Variants in ANGPTL2 observed in about 807,000 individuals in gnomAD.
ANGPTL2 encodes angiopoietin like 2.
Under a neutral mutation model 52.8 loss-of-function variants are expected in ANGPTL2, and 25 were observed. The observed-to-expected ratio is 0.47, with a 90% confidence interval of 0.35 to 0.66. ANGPTL2 has a LOEUF of 0.66. ANGPTL2 is among the 30% of genes least tolerant of loss of function. The pLI, the probability that ANGPTL2 is intolerant of heterozygous loss-of-function variation, is 0.01. For missense variants in ANGPTL2, 546 were observed against 656.9 expected, an observed-to-expected ratio of 0.83 and a Z score of 1.84; for synonymous variants, 276 against 277.4, an observed-to-expected ratio of 1.00 and a Z score of 0.05.
chr9:127,093,025 A>G (rs1351494488), intron 3 of ANGPTL2, among the ~76,000 whole-genome samples: 1 of 152,150 alleles, frequency 6.6e-6, no homozygotes, highest in East Asian at 1.9e-4. Context: ...AGCTGGGTCC[A>G]TAACAGAACC....
rs1271678779 is a variant in ANGPTL2, at chr9:127,091,994, C to T, written c.1012-54G>A. ...TGGAGCCTGCAGCACCTGCAGCCAG[C>T]AGGCTTGGCTGTCAGACACTCAGCC... On this transcript the variant is annotated intron_variant, in intron 3 of 4. Coordinates refer to ENST00000373425, the MANE Select transcript of ANGPTL2 (RefSeq NM_012098.3). The surrounding 1 kb of genome is among the most constrained non-coding windows in gnomAD (Gnocchi z 4.3). 15 of 1,587,602 alleles carry T rather than the reference C, an allele frequency of 9.4e-6. No homozygotes were observed. The highest frequency in any genetic ancestry group is 1.3e-5 in the Non-Finnish European group (15 of 1,165,610).
At chr9:127,092,220 A>G (rs1386375744) in intron 3 of ANGPTL2, among the ~76,000 whole-genome samples, 1 of 152,214 alleles carries the variant, frequency 6.6e-6, no homozygotes, top group Non-Finnish European at 1.5e-5. Flanking sequence ...GGCTTGCTGC[A>G]GGAACACGTG....
Position 127,107,916 on chromosome 9 carries a change from C to T in ANGPTL2, c.816G>A (p.Ser272=), listed in dbSNP as rs145108712. The T allele has an allele frequency of 9.2e-6, 14 of 1,529,402 alleles. No homozygotes were observed. The highest frequency in any genetic ancestry group is 2.8e-5 in the African/African-American group (2 of 72,710). The allele number at this position is 1,529,402 out of a possible 1,614,324, so 94.7% of individuals were successfully genotyped here. ...TAACACGATCCCAGAAGCACTTACC[C>T]GACGGCTTGTCGGTGGAAGATGGGA... ...TSLPSSTDKP[S]GPWRDCLQAL... The change falls in exon 2 of 5, where the codon TCG becomes TCA. Residue 272 remains serine (S), a splice_region_variant and synonymous_variant. Coordinates refer to ENST00000373425, the MANE Select transcript of ANGPTL2 (RefSeq NM_012098.3).
At chr9:127,104,815 G>C (rs976009817) in intron 2 of ANGPTL2, among the ~76,000 whole-genome samples, 2 of 152,246 alleles carry the variant, frequency 1.3e-5, no homozygotes, top group Non-Finnish European at 2.9e-5. Context: ...AGGCTCGGAT[G>C]CAAAGGTGTT....
At chr9:127,106,571 A>G (rs956124766) in intron 2 of ANGPTL2, among the ~76,000 whole-genome samples, 16 of 152,308 alleles carry the variant, frequency 1.1e-4, no homozygotes, top group African/African-American at 3.8e-4. Context: ...TGACTTGCCT[A>G]ATGTCCCAGA....
chr9:127,110,312 G>T (rs1564599340), intron 1 of ANGPTL2, among the ~76,000 whole-genome samples: 1 of 152,122 alleles, frequency 6.6e-6, no homozygotes, highest in Non-Finnish European at 1.5e-5. Context: ...ATACAGTTGG[G>T]CTCCCTTCTT....
chr9:127,108,079 G>C lies in ANGPTL2; in HGVS notation c.653C>G (p.Pro218Arg), dbSNP rs1276928549. Reference protein sequence around the residue: ...PSARPVPQPPPAAPPRVYQPP... With the variant: ...PSARPVPQPPRAAPPRVYQPP... ...TTGGTAGACCCGGGGCGGGGCAGCG[G>C]GGGGTGGCTGGGGGACGGGCCTGGC... Residue 218 changes from proline to arginine, a missense_variant, in exon 2 of 5, where the codon CCC becomes CGC. Transcript: ENST00000373425. The C allele has an allele frequency of 6.2e-7, 1 of 1,611,396 alleles. No homozygotes were observed. The highest frequency in any genetic ancestry group is 1.7e-5 in the Admixed American group (1 of 59,912).
chr9:127,108,070 G>T lies in ANGPTL2; in HGVS notation c.662C>A (p.Pro221Gln). 1 of 1,611,196 alleles carries T rather than the reference G, an allele frequency of 6.2e-7. No individual in the cohort carries two copies. Among genetic ancestry groups the T allele is most frequent in the South Asian group, 1.1e-5 (1 of 90,762 alleles). Residue 221 changes from proline (P) to glutamine (Q), a missense_variant, in exon 2 of 5, where the codon CCG becomes CAG. Physicochemically the swap from Pro to Gln is moderately conservative, Grantham distance 76 (BLOSUM62 -1). This residue lies in a region of ANGPTL2 where 285 missense variants were observed against 295.8 expected (regional missense o/e 0.96). Coordinates refer to ENST00000373425, the MANE Select transcript of ANGPTL2 (RefSeq NM_012098.3). ...GGTGGGTGGTTGGTAGACCCGGGGC[G>T]GGGCAGCGGGGGGTGGCTGGGGGAC... The part of the protein sequence containing the change: ...RPVPQPPPAA[P>Q]PRVYQPPTYN...
At chr9:127,101,539 C>A (rs1022579202) in intron 2 of ANGPTL2, among the ~76,000 whole-genome samples, 2 of 152,208 alleles carry the variant, frequency 1.3e-5, no homozygotes, top group Non-Finnish European at 2.9e-5. Context: ...TGAGCTGCAT[C>A]CCCTTTGCTA....
intron 3 of ANGPTL2, among the ~76,000 whole-genome samples, chr9:127,092,494 C>T (rs2789511): frequency 0.47 from 71,045 of 151,884 alleles, 17,193 homozygotes; most frequent in Non-Finnish European, 0.51. Context: ...AGCTGAGTTA[C>T]GGCCACTAAA....
chr9:127,088,742 G>A lies in ANGPTL2; in HGVS notation c.*197C>T. 1.6e-6 allele frequency: 1 copy of A among 634,730 alleles called. No individual in the cohort carries two copies. Among genetic ancestry groups the A allele is most frequent in the Non-Finnish European group, 2.8e-6 (1 of 363,536 alleles). 39.3% of individuals were successfully genotyped at this position (634,730 alleles called of 1,614,324 possible). ...GACATGAGGGGCTGTCTGGTGTGAA[G>A]GAAAGTAGGAGGGACAGAAAACACC... On this transcript the variant is annotated 3_prime_UTR_variant, in exon 5 of 5. Coordinates refer to ENST00000373425, the MANE Select transcript of ANGPTL2 (RefSeq NM_012098.3).
At chr9:127,101,670 G>A (rs138842763) in intron 2 of ANGPTL2, among the ~76,000 whole-genome samples, 2 of 152,294 alleles carry the variant, frequency 1.3e-5, no homozygotes, top group Non-Finnish European at 2.9e-5. Flanking sequence ...CCTGCTTTGT[G>A]GGAAAGCCTG....
In ANGPTL2 at chr9:127,091,473, A is replaced by G. The variant is rs146703709; in HGVS notation, c.1282+197T>C. 3.3e-5 allele frequency among the ~76,000 whole-genome samples: 5 copies of G among 151,816 alleles called. No individual in the cohort carries two copies. The highest frequency in any genetic ancestry group is 1.2e-4 in the African/African-American group (5 of 41,354). ...TTTTTTTTCTTAATTTGTAAATGCC[A>G]CTGTGACCCAGCTTTGTGAAGGGGA... On this transcript the variant is annotated intron_variant, in intron 4 of 4. Coordinates refer to ENST00000373425, the MANE Select transcript of ANGPTL2 (RefSeq NM_012098.3). The surrounding 1 kb of genome is among the most constrained non-coding windows in gnomAD (Gnocchi z 4.3).
intron 1 of ANGPTL2, among the ~76,000 whole-genome samples, chr9:127,119,657 A>G (rs181283919): frequency 2.6e-5 from 4 of 152,288 alleles, no homozygotes; most frequent in African/African-American, 9.6e-5. Flanking sequence ...GTACTTCCTA[A>G]ATCACTGGGG....
Position 127,093,834 on chromosome 9 carries a change from G to T in ANGPTL2, c.910C>A (p.Gln304Lys). 2 of 1,614,154 alleles carry T rather than the reference G, an allele frequency of 1.2e-6. No individual in the cohort carries two copies. The highest frequency in any genetic ancestry group is 1.7e-6 in the Non-Finnish European group (2 of 1,180,028). Residue 304 changes from glutamine (Q) to lysine (K), a missense_variant, in exon 3 of 5, where the codon CAG (glutamine) becomes AAG (lysine). Transcript: ENST00000373425. The stretch of plus-strand genomic sequence containing the variant: ...TCGTGTCTCTGGTCGCACCACACCT[G>T]CATGAGGCGGTTGGTGTTCTCCGGC... ...VKPENTNRLM[Q>K]VWCDQRHDPG...
At position 127,093,827 on chromosome 9, in the gene ANGPTL2, C is replaced by G; in HGVS notation, c.917G>C (p.Trp306Ser). 2 of 1,614,096 alleles carry G rather than the reference C, an allele frequency of 1.2e-6. No individual in the cohort carries two copies. The highest frequency in any genetic ancestry group is 1.7e-6 in the Non-Finnish European group (2 of 1,180,026). ...PENTNRLMQV[W>S]CDQRHDPGGW... ...CCCGGGGTCGTGTCTCTGGTCGCAC[C>G]ACACCTGCATGAGGCGGTTGGTGTT... The change falls in exon 3 of 5, where the codon TGG (tryptophan) becomes TCG (serine). Residue 306 changes from tryptophan (W) to serine (S), a missense_variant. Physicochemically the swap from Trp to Ser is radical, Grantham distance 177. This residue lies in a region of ANGPTL2 where 261 missense variants were observed against 361.0 expected (regional missense o/e 0.72). Transcript: ENST00000373425.
intron 1 of ANGPTL2, among the ~76,000 whole-genome samples, chr9:127,120,219 T>C (rs1176658600): frequency 2.6e-5 from 4 of 152,214 alleles, no homozygotes; most frequent in African/African-American, 7.2e-5. Flanking sequence ...CATTTTCTTA[T>C]CCACTATGGT....
intron 2 of ANGPTL2, among the ~76,000 whole-genome samples, chr9:127,096,778 C>G (rs571491753): frequency 1.3e-5 from 2 of 152,204 alleles, no homozygotes; most frequent in South Asian, 2.1e-4. Flanking sequence ...CCCAAAGTCC[C>G]AGGTTATAAA....
intron 2 of ANGPTL2, among the ~76,000 whole-genome samples, chr9:127,096,289 G>T (rs1241193353): frequency 1.3e-5 from 2 of 152,268 alleles, no homozygotes; most frequent in Non-Finnish European, 2.9e-5. Flanking sequence ...GTCCCCAACA[G>T]CTGGAGCAGA....
Sources: gnomAD v4.1 joint callset for allele counts (sites outside exome capture counted in the v4.1 genomes callset) on GRCh38, gnomAD v4.1.1 for gene constraint, gnomAD v4.1.1 regional missense constraint, Gnocchi (gnomAD v3.1) non-coding constraint, MANE v1.5 for transcripts, NCBI Gene and HGNC (gene_info 2026-07-23, HGNC 2026-07-21) for gene names.